SIAH2: variants seen among roughly 807,000 people sequenced by gnomAD.
SIAH2 encodes E3 ubiquitin-protein ligase SIAH2.
A neutral mutation model predicts 20.4 loss-of-function variants in SIAH2; 4 were observed. That is an observed-to-expected ratio of 0.20 (90% CI 0.10 to 0.45). The LOEUF (loss-of-function observed/expected upper bound fraction) is 0.45, where lower values mean the gene tolerates loss of function less well. Among genes scored for constraint, SIAH2 ranks in the 20% least tolerant of loss-of-function variants. The pLI, the probability that SIAH2 is intolerant of heterozygous loss-of-function variation, is 0.99. For missense variants in SIAH2, 259 were observed against 440.3 expected, an observed-to-expected ratio of 0.59 and a Z score of 3.69; for synonymous variants, 171 against 192.5, an observed-to-expected ratio of 0.89 and a Z score of 0.93.
rs75888393 is a variant in SIAH2 at position 150,752,738 on chromosome 3, G to A, written c.417+9695C>T. On this transcript the variant is annotated intron_variant, in intron 1 of 1. Transcript: ENST00000312960. The stretch of plus-strand genomic sequence containing the variant: ...TTATCTGAAATTCAAATTTAACTGG[G>A]CACTCTGTATTTATCTGGCAACCCT... Among the ~76,000 whole-genome samples the A allele has an allele frequency of 1.2e-3, 176 of 152,270 alleles. 2 individuals carry two copies. The highest frequency in any genetic ancestry group is 4.1e-3 in the African/African-American group (170 of 41,544).
intron 1 of SIAH2, among the ~76,000 whole-genome samples, chr3:150,752,595 C>T (rs997076149): frequency 2.6e-5 from 4 of 151,566 alleles, no homozygotes; most frequent in Non-Finnish European, 5.9e-5. Flanking sequence ...GGCGACAGAG[C>T]GAGACTCCAT....
At chr3:150,749,480 G>A (rs1714309984) in intron 1 of SIAH2, among the ~76,000 whole-genome samples, 1 of 152,084 alleles carries the variant, frequency 6.6e-6, no homozygotes, top group East Asian at 1.9e-4. Context: ...CTCCAGCCTG[G>A]GCAACAGACT....
chr3:150,743,797 A>T (rs368753520), intron 1 of SIAH2, among the ~76,000 whole-genome samples: 1 of 152,112 alleles, frequency 6.6e-6, no homozygotes, highest in South Asian at 2.1e-4. Context: ...CCACAAGTAG[A>T]CACCTGCCCT....
chr3:150,756,689 T>C (rs1296684265), intron 1 of SIAH2, among the ~76,000 whole-genome samples: 1 of 152,210 alleles, frequency 6.6e-6, no homozygotes, highest in Admixed American at 6.5e-5. Context: ...ATGTGTGGAA[T>C]TACCATTAAG....
intron 1 of SIAH2, among the ~76,000 whole-genome samples, chr3:150,744,471 C>T (rs1363400973): frequency 6.6e-6 from 1 of 152,164 alleles, no homozygotes; most frequent in East Asian, 1.9e-4. Context: ...TTTATTTATC[C>T]ATGTGTATTC....
At chr3:150,753,828 T>G (rs768902235) in intron 1 of SIAH2, among the ~76,000 whole-genome samples, 7 of 152,058 alleles carry the variant, frequency 4.6e-5, no homozygotes, top group Non-Finnish European at 8.8e-5. Flanking sequence ...CTGAGATTTC[T>G]GCATATACCC....
At chr3:150,747,028 C>A (rs916863116) in intron 1 of SIAH2, among the ~76,000 whole-genome samples, 3 of 152,244 alleles carry the variant, frequency 2.0e-5, no homozygotes, top group Non-Finnish European at 4.4e-5. Context: ...CCCTGCATTC[C>A]CAGGCTGCCC....
rs1714628409 is a variant in SIAH2, at chr3:150,762,121, G to A, written c.417+312C>T. On this transcript the variant is annotated intron_variant, in intron 1 of 1. Coordinates refer to ENST00000312960, the MANE Select transcript of SIAH2 (RefSeq NM_005067.7). This position sits in a 1 kb window ranked among gnomAD's most constrained non-coding sequence, Gnocchi z 6.6. Reference sequence around the variant, plus strand: ...GTCCAAGTTTTACTGGTGCGGCCCAGCCCTACCGAGAGTACCCGAATACAC... The same window carrying A: ...GTCCAAGTTTTACTGGTGCGGCCCAACCCTACCGAGAGTACCCGAATACAC... 1 of 364,820 alleles carries A rather than the reference G, an allele frequency of 2.7e-6. No individual in the cohort carries two copies. The highest frequency in any genetic ancestry group is 5.0e-6 in the Non-Finnish European group (1 of 199,278). The allele number at this position is 364,820 out of a possible 1,614,324, so 22.6% of individuals were successfully genotyped here.
chr3:150,747,381 A>G (rs1010640297), intron 1 of SIAH2, among the ~76,000 whole-genome samples: 4 of 152,198 alleles, frequency 2.6e-5, no homozygotes, highest in Admixed American at 2.6e-4. Context: ...GCCCCACAAA[A>G]TGTGAAAAGG....
chr3:150,760,386 T>C (rs1714579097), intron 1 of SIAH2, among the ~76,000 whole-genome samples: 1 of 152,258 alleles, frequency 6.6e-6, no homozygotes, highest in South Asian at 2.1e-4. Flanking sequence ...CACTGCATTC[T>C]TATAGAATAG....
intron 1 of SIAH2, among the ~76,000 whole-genome samples, chr3:150,749,905 A>G (rs1714320536): frequency 6.6e-6 from 1 of 152,208 alleles, no homozygotes; most frequent in Non-Finnish European, 1.5e-5. Flanking sequence ...TCAGTGGTCC[A>G]AGGTAAACTC....
At position 150,753,012 on chromosome 3, in the gene SIAH2, G is replaced by A. The variant is rs531112847; in HGVS notation, c.417+9421C>T. 3.3e-5 allele frequency among the ~76,000 whole-genome samples: 5 copies of A among 152,340 alleles called. No homozygotes were observed. The South Asian group carries it at 1.0e-3, about 32-fold the overall frequency. On this transcript the variant is annotated intron_variant, in intron 1 of 1. Coordinates refer to ENST00000312960, the MANE Select transcript of SIAH2 (RefSeq NM_005067.7). ...GCAAGGCAAGCAACATCCTTCACAA[G>A]CAACTTTGCTGGCCTCCCACACAGC... is the stretch of plus-strand genomic sequence containing the variant.
Position 150,752,559 on chromosome 3 carries a change from A to C in SIAH2, c.418-9861T>G, listed in dbSNP as rs147265763. On this transcript the variant is annotated intron_variant, in intron 1 of 1. Transcript: ENST00000312960. ...GGGCGGCAGAGGTTGCAGTGAGCCA[A>C]GATCGCACCACTGCACTCCAGCCTG... 7.1e-4 allele frequency among the ~76,000 whole-genome samples: 108 copies of C among 152,316 alleles called. 2 individuals are homozygous for C. The East Asian group carries it at 0.019, about 27-fold the overall frequency.
chr3:150,746,398 A>AAAACAAAC lies in SIAH2; in HGVS notation c.418-3708_418-3701dup, dbSNP rs532802162. Among the ~76,000 whole-genome samples the AAAACAAAC allele has an allele frequency of 1.3e-5, 2 of 152,228 alleles. 1 individual carries two copies. The highest frequency in any genetic ancestry group is 4.1e-4 in the South Asian group (2 of 4,820). On this transcript the variant is annotated intron_variant, in intron 1 of 1. Transcript: ENST00000312960. ...GCAACAGACTGAGACTCTGTCTCAA[A>AAAACAAAC]AAACAAACAAACAAACAAACAAACA...
intron 1 of SIAH2, among the ~76,000 whole-genome samples, chr3:150,754,105 A>C (rs1299428059): frequency 1.3e-5 from 2 of 152,248 alleles, no homozygotes; most frequent in Non-Finnish European, 2.9e-5. Context: ...TAGATAAAGA[A>C]GCAGATTATG....
At chr3:150,757,746 C>T (rs1043263935) in intron 1 of SIAH2, among the ~76,000 whole-genome samples, 2 of 151,646 alleles carry the variant, frequency 1.3e-5, no homozygotes, top group African/African-American at 2.4e-5. Context: ...TTTGGGGGGC[C>T]GAGATAGGAG....
In SIAH2 at chr3:150,758,610, A is replaced by G. The variant is rs541475498; in HGVS notation, c.417+3823T>C. Among the ~76,000 whole-genome samples the G allele has an allele frequency of 2.1e-5, 3 of 142,326 alleles. No individual in the cohort carries two copies. The Admixed American group carries it at 2.2e-4, about 10-fold the overall frequency. The allele number at this position is 142,326 out of a possible 152,430, so 93.4% of individuals were successfully genotyped here. A position where few individuals can be genotyped will look rare whatever the true frequency, so the allele number is the denominator to read the frequency against. Reference sequence around the variant, plus strand: ...TTTTGACACAGAGTCTTGCTCTGTCACCCAGGCTGGAGTGCAGTGGCACAA... The same window carrying G: ...TTTTGACACAGAGTCTTGCTCTGTCGCCCAGGCTGGAGTGCAGTGGCACAA... On this transcript the variant is annotated intron_variant, in intron 1 of 1. Transcript: ENST00000312960.
rs1714124260 is a variant in SIAH2, at chr3:150,742,846, TAA to T, written c.418-150_418-149del. On this transcript the variant is annotated intron_variant, in intron 1 of 1. Transcript: ENST00000312960. The surrounding 1 kb of genome is among the most constrained non-coding windows in gnomAD (Gnocchi z 4.8). ...TCAAAGCAAGTGAAATATTCAAGAC[TAA>T]AAGTCTCCGTCTCTATTCATCATCA... 1.7e-6 allele frequency: 1 copy of T among 589,898 alleles called. No homozygotes were observed. The highest frequency in any genetic ancestry group is 1.9e-5 in the African/African-American group (1 of 53,154). The allele number at this position is 589,898 out of a possible 1,614,324, so 36.5% of individuals were successfully genotyped here. A position where few individuals can be genotyped will look rare whatever the true frequency, so the allele number is the denominator to read the frequency against.
rs745918994 is a variant in SIAH2, at chr3:150,762,427, G to A, written c.417+6C>T. The A allele has an allele frequency of 2.5e-6, 4 of 1,607,984 alleles. No homozygotes were observed. Among genetic ancestry groups the A allele is most frequent in the South Asian group, 1.1e-5 (1 of 90,230 alleles). On this transcript the variant is annotated splice_donor_region_variant and intron_variant, in intron 1 of 1. Coordinates refer to ENST00000312960, the MANE Select transcript of SIAH2 (RefSeq NM_005067.7). The surrounding 1 kb of genome is among the most constrained non-coding windows in gnomAD (Gnocchi z 6.6). ...GCGGAGGTACGTGGGCTGTCCCTGG[G>A]CTTACCTTACAGGGAAACAGGACTG...
Sources: gnomAD v4.1 joint callset for allele counts (sites outside exome capture counted in the v4.1 genomes callset) on GRCh38, gnomAD v4.1.1 for gene constraint, Gnocchi (gnomAD v3.1) non-coding constraint, MANE v1.5 for transcripts, NCBI Gene and HGNC (gene_info 2026-07-23, HGNC 2026-07-21) for gene names.